Variants in PGAP4 observed in about 807,000 individuals in gnomAD.
The protein encoded by PGAP4 is post-GPI attachment to proteins GalNAc transferase 4.
A neutral mutation model predicts 28.2 loss-of-function variants in PGAP4; 12 were observed. The ratio of observed to expected loss-of-function variants is 0.42; its 90% confidence interval spans 0.27 to 0.69. PGAP4 has a LOEUF of 0.69. PGAP4 is among the 30% of genes least tolerant of loss of function. The pLI is 0.22. For missense variants in PGAP4, 425 were observed against 513.5 expected, an observed-to-expected ratio of 0.83 and a Z score of 1.67; for synonymous variants, 205 against 211.8, an observed-to-expected ratio of 0.97 and a Z score of 0.28.
chr9:101,492,256 C>T (rs545979757), intron 2 of PGAP4, among the ~76,000 whole-genome samples: 180 of 151,892 alleles, frequency 1.2e-3, no homozygotes, highest in African/African-American at 4.1e-3. Flanking sequence ...TGCAGTGGCA[C>T]GATCTCGGCT....
intron 2 of PGAP4, among the ~76,000 whole-genome samples, chr9:101,520,819 A>G (rs911820810): frequency 6.6e-6 from 1 of 152,112 alleles, no homozygotes; most frequent in African/African-American, 2.4e-5. Context: ...AATGCTTTCA[A>G]CTTTTCCCCA....
chr9:101,520,670 C>T (rs1428535402), intron 2 of PGAP4, among the ~76,000 whole-genome samples: 2 of 152,134 alleles, frequency 1.3e-5, no homozygotes, highest in Non-Finnish European at 2.9e-5. Context: ...CAAACAGTGA[C>T]AGTTTGACTT....
rs1361743460 is a variant in PGAP4 at position 101,476,571 on chromosome 9, A to T, written c.522T>A (p.Asp174Glu). ...AGTTGGTCGAAGGGTCATCACCATA[A>T]TCATCCTCAGTGCCCTCATAGCGAT... ...VANRYEGTED[D>E]YGDDPSTNSF... is the part of the protein sequence containing the mutation. Residue 174 changes from aspartate to glutamate, a missense_variant, in exon 2 of 2, where the codon GAT becomes GAA. Physicochemically the swap from Asp to Glu is conservative, Grantham distance 45. Transcript: ENST00000374848. This position sits in a 1 kb window ranked among gnomAD's most constrained non-coding sequence, Gnocchi z 7.0. The T allele has an allele frequency of 1.2e-6, 2 of 1,613,984 alleles. No homozygotes were observed. Among genetic ancestry groups the T allele is most frequent in the African/African-American group, 2.7e-5 (2 of 74,902 alleles).
chr9:101,477,773 C>T (rs1247127477), intron 1 of PGAP4, among the ~76,000 whole-genome samples: 1 of 152,136 alleles, frequency 6.6e-6, no homozygotes, highest in African/African-American at 2.4e-5. Flanking sequence ...TAATTTAATC[C>T]TGATTGTTCT....
chr9:101,479,881 C>G (rs1007447702), intron 1 of PGAP4: 1 of 152,298 alleles, frequency 6.6e-6, no homozygotes, highest in South Asian at 2.1e-4. Context: ...CGTGTTCTTA[C>G]GTTGCCTGGA....
In PGAP4 at chr9:101,476,323, G is replaced by A; in HGVS notation, c.770C>T (p.Pro257Leu). 1 of 1,614,096 alleles carries A rather than the reference G, an allele frequency of 6.2e-7. No homozygotes were observed. Among genetic ancestry groups the A allele is most frequent in the East Asian group, 2.2e-5 (1 of 44,874 alleles). Reference sequence around the variant, plus strand: ...CCATTCCAGGATCCGCATGGGCTCTGGATTGATGTAGTGCTGGAGCCTCTC... The same window carrying A: ...CCATTCCAGGATCCGCATGGGCTCTAGATTGATGTAGTGCTGGAGCCTCTC... ...HPERLQHYIN[P>L]EPMRILEWVG... The change falls in exon 2 of 2, where the codon CCA becomes CTA. Residue 257 changes from proline to leucine, a missense_variant. Pro to Leu is a moderately conservative substitution (Grantham distance 98, BLOSUM62 -3). Transcript: ENST00000374848. This position sits in a 1 kb window ranked among gnomAD's most constrained non-coding sequence, Gnocchi z 7.0.
chr9:101,525,428 C>G (rs1428362068), intron 2 of PGAP4, among the ~76,000 whole-genome samples: 1 of 151,420 alleles, frequency 6.6e-6, no homozygotes, highest in African/African-American at 2.4e-5. Context: ...TAAATGTTGG[C>G]GGGCGCAGTG....
At chr9:101,520,690 C>T (rs761862216) in intron 2 of PGAP4, among the ~76,000 whole-genome samples, 1 of 152,084 alleles carries the variant, frequency 6.6e-6, no homozygotes, top group Non-Finnish European at 1.5e-5. Flanking sequence ...TCCTCTTTAC[C>T]GATTTGGATG....
chr9:101,486,730 A>T lies in PGAP4; in HGVS notation c.-78+219T>A, dbSNP rs567007766. ...TGCGGGGTCCTCGCAATCCTCCGGCAGGAAGCGGTCGGAGCTGCGGGCAGG... is the reference window on the plus strand; with the variant it reads ...TGCGGGGTCCTCGCAATCCTCCGGCTGGAAGCGGTCGGAGCTGCGGGCAGG... On this transcript the variant is annotated intron_variant, in intron 1 of 1. Transcript: ENST00000374848. The surrounding 1 kb of genome is among the most constrained non-coding windows in gnomAD (Gnocchi z 4.7). Among the ~76,000 whole-genome samples, 1 of 151,922 alleles carries T rather than the reference A, an allele frequency of 6.6e-6. No individual in the cohort carries two copies. Among genetic ancestry groups the T allele is most frequent in the East Asian group, 2.0e-4 (1 of 5,096 alleles).
At chr9:101,501,082 T>C (rs1393775703) in intron 2 of PGAP4, among the ~76,000 whole-genome samples, 1 of 152,096 alleles carries the variant, frequency 6.6e-6, no homozygotes, top group East Asian at 1.9e-4. Flanking sequence ...AGTAGTTGAT[T>C]TGCTTTATGT....
intron 2 of PGAP4, among the ~76,000 whole-genome samples, chr9:101,530,363 A>G (rs1827077825): frequency 6.6e-6 from 1 of 152,228 alleles, no homozygotes; most frequent in African/African-American, 2.4e-5. Context: ...GTCCTTCAAC[A>G]AATACTCATT....
Position 101,477,135 on chromosome 9 carries a change from C to G in PGAP4, c.-43G>C. The G allele has an allele frequency of 6.6e-7, 1 of 1,515,316 alleles. No homozygotes were observed. Among genetic ancestry groups the G allele is most frequent in the Non-Finnish European group, 8.8e-7 (1 of 1,134,724 alleles). The allele number at this position is 1,515,316 out of a possible 1,614,324, so 93.9% of individuals were successfully genotyped here. A position where few individuals can be genotyped will look rare whatever the true frequency, so the allele number is the denominator to read the frequency against. ...ATGTCTGGTCCCAAGAAAAAACCAT[C>G]CTGGAACTCAGGCCAGAGTCATCAG... On this transcript the variant is annotated 5_prime_UTR_variant, in exon 2 of 2. Coordinates refer to ENST00000374848, the MANE Select transcript of PGAP4 (RefSeq NM_032342.3).
At chr9:101,531,607 C>T (rs1451515027) in intron 1 of PGAP4, 1 of 152,094 alleles carries the variant, frequency 6.6e-6, no homozygotes, top group African/African-American at 2.4e-5. Context: ...AGAAATTCAC[C>T]CTGATTAAAG....
At chr9:101,529,885 A>G (rs1259270176) in intron 2 of PGAP4, among the ~76,000 whole-genome samples, 1 of 152,254 alleles carries the variant, frequency 6.6e-6, no homozygotes, top group Non-Finnish European at 1.5e-5. Flanking sequence ...TTGCATTTTC[A>G]GAGAGCTTTC....
At chr9:101,490,854 T>G (rs975504988), upstream of PGAP4, among the ~76,000 whole-genome samples, 13 of 152,192 alleles carry the variant, frequency 8.5e-5, no homozygotes, top group African/African-American at 3.1e-4. Flanking sequence ...TTTTTTGCTG[T>G]AATAGTGAGA....
intron 2 of PGAP4, among the ~76,000 whole-genome samples, chr9:101,514,125 C>A (rs1826922934): frequency 6.6e-6 from 1 of 152,200 alleles, no homozygotes; most frequent in Non-Finnish European, 1.5e-5. Context: ...ACTGGGAACA[C>A]CCTCACAGAT....
rs150170798 is a variant in PGAP4, at chr9:101,530,790, C to T, written c.-165+558G>A. On this transcript the variant is annotated intron_variant, in intron 2 of 3. Transcript: ENST00000374851. ...CACCAGTAGCTGCAGAATATGGTTA[C>T]CTACTATGATGGTTAATTTTATGTG... is the stretch of plus-strand genomic sequence containing the variant. Among the ~76,000 whole-genome samples, 1,054 of 152,326 alleles carry T rather than the reference C, an allele frequency of 6.9e-3. 5 individuals carry two copies. The highest frequency in any genetic ancestry group is 0.011 in the Admixed American group (168 of 15,308).
chr9:101,497,880 T>C (rs1358124085), intron 2 of PGAP4, among the ~76,000 whole-genome samples: 2 of 151,742 alleles, frequency 1.3e-5, no homozygotes, highest in Non-Finnish European at 2.9e-5. Flanking sequence ...TATGTATAAA[T>C]TTATTTAAAC....
intron 2 of PGAP4, among the ~76,000 whole-genome samples, chr9:101,518,421 C>G (rs1277247341): frequency 6.6e-6 from 1 of 152,096 alleles, no homozygotes. Context: ...TCTTTTATCC[C>G]TCGCCCTCCT....
Sources: allele counts gnomAD v4.1 joint callset (sites outside exome capture counted in the v4.1 genomes callset), GRCh38; gene constraint gnomAD v4.1.1; non-coding constraint Gnocchi (gnomAD v3.1); transcripts MANE v1.5; gene names NCBI Gene and HGNC (gene_info 2026-07-23, HGNC 2026-07-21).